TMPRSS2: variants seen among roughly 807,000 people sequenced by gnomAD.
TMPRSS2 encodes the protein transmembrane serine protease 2.
In TMPRSS2, 59 loss-of-function variants were observed where a neutral mutation model predicts 67.4. That is an observed-to-expected ratio of 0.88 (90% CI 0.71 to 1.09). The LOEUF (loss-of-function observed/expected upper bound fraction) is 1.09, where lower values mean the gene tolerates loss of function less well. Ranked by LOEUF, TMPRSS2 falls within the 50% of genes least tolerant of loss-of-function variation. The pLI is 0.00. For missense variants in TMPRSS2, 668 were observed against 642.7 expected, an observed-to-expected ratio of 1.04 and a Z score of -0.43; for synonymous variants, 257 against 257.0, an observed-to-expected ratio of 1.00 and a Z score of 0.00.
rs2091080262 is a variant in TMPRSS2 at position 41,466,039 on chromosome 21, A to T, written c.*103T>A. 5.0e-6 allele frequency: 7 copies of T among 1,406,394 alleles called. No homozygotes were observed. The highest frequency in any genetic ancestry group is 1.8e-4 in the Middle Eastern group (1 of 5,574). 87.1% of individuals were successfully genotyped at this position (1,406,394 alleles called of 1,614,324 possible). ...ACAAGTTCACTGTTTAATAAAAATG[A>T]AGTGACCTCTGAATCATCTCTAAGA... On this transcript the variant is annotated 3_prime_UTR_variant, in exon 14 of 14. Transcript: ENST00000332149.
intron 7 of TMPRSS2, among the ~76,000 whole-genome samples, chr21:41,477,878 T>TC (rs2091226956): frequency 6.7e-6 from 1 of 150,096 alleles, no homozygotes; most frequent in South Asian, 2.1e-4. Flanking sequence ...GAAGTGCGCC[T>TC]CCCCCCACCA....
At chr21:41,467,681 G>A in intron 13 of TMPRSS2, 53 bp downstream of exon 13, 1 of 1,596,948 alleles carries the variant, frequency 6.3e-7, no homozygotes, top group South Asian at 1.1e-5. Flanking sequence ...CAGATGTCTG[G>A]CTTTGGCTCG....
chr21:41,481,973 A>G (rs866092705), intron 5 of TMPRSS2, among the ~76,000 whole-genome samples: 1 of 152,102 alleles, frequency 6.6e-6, no homozygotes, highest in Non-Finnish European at 1.5e-5. Flanking sequence ...AGGCAGGGGA[A>G]TTGCTTGAAC....
chr21:41,498,793 G>C (rs1167704713), intron 1 of TMPRSS2, among the ~76,000 whole-genome samples: 1 of 152,236 alleles, frequency 6.6e-6, no homozygotes, highest in Non-Finnish European at 1.5e-5. Flanking sequence ...ACAGCTCCCT[G>C]GAAGTGTCGA....
chr21:41,468,795 T>C (rs868378082), intron 11 of TMPRSS2: 21 of 461,632 alleles, frequency 4.5e-5, no homozygotes, highest in Middle Eastern at 1.2e-3. Context: ...TCTGAAACTA[T>C]AGGGCTCTAT....
chr21:41,505,558 G>T (rs940397394), intron 1 of TMPRSS2, among the ~76,000 whole-genome samples: 4 of 152,160 alleles, frequency 2.6e-5, no homozygotes, highest in African/African-American at 9.7e-5. Flanking sequence ...CCCTCCGCAG[G>T]CCCCCTTTCA....
chr21:41,482,874 T>C (rs1178276333), intron 5 of TMPRSS2, among the ~76,000 whole-genome samples: 1 of 152,204 alleles, frequency 6.6e-6, no homozygotes, highest in Non-Finnish European at 1.5e-5. Context: ...ACATACTCCA[T>C]GATTCCAACG....
chr21:41,472,541 G>A (rs888863044), intron 9 of TMPRSS2, among the ~76,000 whole-genome samples: 1 of 152,132 alleles, frequency 6.6e-6, no homozygotes, highest in African/African-American at 2.4e-5. Flanking sequence ...AGAGCACCTG[G>A]GGGTGTGAAG....
At chr21:41,499,516 C>T (rs1020357119) in intron 1 of TMPRSS2, among the ~76,000 whole-genome samples, 2 of 152,202 alleles carry the variant, frequency 1.3e-5, no homozygotes, top group East Asian at 1.9e-4. Context: ...CAGCCTCCAC[C>T]GTGCCACAGG....
At chr21:41,466,205 G>A in intron 13 of TMPRSS2, 52 bp from the exon 14 acceptor site, 1 of 1,605,652 alleles carries the variant, frequency 6.2e-7, no homozygotes, top group Middle Eastern at 1.7e-4. Context: ...ACAAACAAAG[G>A]TGGAAAATAA....
intron 6 of TMPRSS2, 85 bp downstream of exon 6, chr21:41,480,391 T>C: frequency 1.9e-6 from 3 of 1,565,968 alleles, no homozygotes; most frequent in East Asian, 2.3e-5. Flanking sequence ...CATGTGCCGG[T>C]GCTTTCACAG....
At chr21:41,473,924 GGAGT>G (rs559550182) in intron 8 of TMPRSS2, among the ~76,000 whole-genome samples, 5 of 92,364 alleles carry the variant, frequency 5.4e-5, no homozygotes, top group African/African-American at 2.3e-4. Context: ...GGTGAGTGAG[GGAGT>G]GAGTGAGGAG....
At chr21:41,499,432 A>T (rs1232205918) in intron 1 of TMPRSS2, among the ~76,000 whole-genome samples, 1 of 152,064 alleles carries the variant, frequency 6.6e-6, no homozygotes, top group East Asian at 1.9e-4. Flanking sequence ...TTAGCAAAAA[A>T]CCTTGCTCAG....
chr21:41,483,445 G>A (rs961385971), intron 5 of TMPRSS2, among the ~76,000 whole-genome samples: 1 of 151,988 alleles, frequency 6.6e-6, no homozygotes, highest in Non-Finnish European at 1.5e-5. Flanking sequence ...CACCACGCCG[G>A]CTAATTTTGT....
chr21:41,483,257 C>G (rs1279337695), intron 5 of TMPRSS2, among the ~76,000 whole-genome samples: 1 of 152,076 alleles, frequency 6.6e-6, no homozygotes, highest in Non-Finnish European at 1.5e-5. Context: ...AATATAAAGT[C>G]TGTTCACTTT....
intron 2 of TMPRSS2, among the ~76,000 whole-genome samples, chr21:41,497,647 T>C (rs1466725301): frequency 6.6e-6 from 1 of 152,216 alleles, no homozygotes; most frequent in African/African-American, 2.4e-5. Flanking sequence ...CCAGTTACAA[T>C]GGGGAGCAGA....
At chr21:41,467,060 C>G (rs73905371) in intron 13 of TMPRSS2, among the ~76,000 whole-genome samples, 17,481 of 152,116 alleles carry the variant, frequency 0.11, 1,246 homozygotes, top group Non-Finnish European at 0.13. Flanking sequence ...AGGATGGGCA[C>G]AGCCGGCTCT....
chr21:41,476,433 G>C (rs1055688881), intron 8 of TMPRSS2, 144 bp downstream of exon 8: 12 of 751,012 alleles, frequency 1.6e-5, no homozygotes, highest in African/African-American at 7.1e-5. Flanking sequence ...TCCTTGGAAA[G>C]AGCGAGACGC....
At chr21:41,481,668 C>T (rs1013528232) in intron 5 of TMPRSS2, among the ~76,000 whole-genome samples, 6 of 152,026 alleles carry the variant, frequency 3.9e-5, no homozygotes, top group Non-Finnish European at 7.4e-5. Flanking sequence ...AATTATATCT[C>T]AATAAGCTAT....
Sources: gnomAD v4.1 joint callset for allele counts (sites outside exome capture counted in the v4.1 genomes callset) on GRCh38, gnomAD v4.1.1 for gene constraint, MANE v1.5 for transcripts, NCBI Gene and HGNC (gene_info 2026-07-23, HGNC 2026-07-21) for gene names.